The following PTPN9 variants were observed in gnomAD, a reference collection of about 807,000 sequenced individuals.
PTPN9 encodes tyrosine-protein phosphatase non-receptor type 9.
A neutral mutation model predicts 69.8 loss-of-function variants in PTPN9; 26 were observed. That is an observed-to-expected ratio of 0.37 (90% CI 0.27 to 0.52). The LOEUF is 0.52. Among genes scored for constraint, PTPN9 ranks in the 20% least tolerant of loss-of-function variants. The probability of loss-of-function intolerance (pLI) is 0.91; values close to 1 mark genes in which losing one functional copy is unlikely to be tolerated. For synonymous variants in PTPN9, 274 were observed against 272.5 expected, an observed-to-expected ratio of 1.01 and a Z score of -0.05; for missense variants, 549 against 740.3, an observed-to-expected ratio of 0.74 and a Z score of 3.00.
chr15:75,531,644 G>A (rs941117159), intron 1 of PTPN9, among the ~76,000 whole-genome samples: 1 of 151,088 alleles, frequency 6.6e-6, no homozygotes, highest in Non-Finnish European at 1.5e-5. Context: ...GTACAGTGGC[G>A]CAATCTTGGC....
intron 1 of PTPN9, among the ~76,000 whole-genome samples, chr15:75,567,282 T>C (rs2075130660): frequency 6.6e-6 from 1 of 152,202 alleles, no homozygotes; most frequent in Non-Finnish European, 1.5e-5. Context: ...CCTCCCAAAG[T>C]GCTGGGATTA....
chr15:75,504,612 G>A (rs1460129427), intron 7 of PTPN9, among the ~76,000 whole-genome samples: 36 of 134,286 alleles, frequency 2.7e-4, no homozygotes, highest in African/African-American at 8.2e-4. Context: ...CCCTCTGCCC[G>A]GCCAGCCGCC....
At chr15:75,500,895 AT>A (rs888280582) in intron 7 of PTPN9, among the ~76,000 whole-genome samples, 3 of 151,978 alleles carry the variant, frequency 2.0e-5, no homozygotes, top group East Asian at 3.8e-4. Context: ...TCTAAAAAAA[AT>A]AATAATAATA....
chr15:75,505,569 T>C, intron 7 of PTPN9, 106 bp downstream of exon 7: 1 of 780,196 alleles, frequency 1.3e-6, no homozygotes, highest in South Asian at 1.8e-5. Context: ...TTCCCTAACA[T>C]AAGGAAGGGT....
intron 1 of PTPN9, among the ~76,000 whole-genome samples, chr15:75,551,402 C>G (rs2075056066): frequency 6.6e-6 from 1 of 152,174 alleles, no homozygotes; most frequent in Admixed American, 6.5e-5. Flanking sequence ...GTCACCCATA[C>G]TGGAGTGCAG....
In PTPN9 at chr15:75,517,374, A is replaced by G. The variant is rs1195378396; in HGVS notation, c.423-10T>C. On this transcript the variant is annotated splice_polypyrimidine_tract_variant and intron_variant, in intron 4 of 12. Coordinates refer to ENST00000618819, the MANE Select transcript of PTPN9 (RefSeq NM_002833.4). ...CCTCTGAGTTTCAAAGCTGTAAATC[A>G]ACCATTGAACAAAAACATTTGTAAG... 1 of 1,601,396 alleles carries G rather than the reference A, an allele frequency of 6.2e-7. No homozygotes were observed. Among genetic ancestry groups the G allele is most frequent in the Admixed American group, 1.7e-5 (1 of 59,216 alleles).
intron 1 of PTPN9, among the ~76,000 whole-genome samples, chr15:75,559,104 C>G (rs1033726738): frequency 4.0e-5 from 6 of 151,844 alleles, no homozygotes; most frequent in Non-Finnish European, 5.9e-5. Flanking sequence ...GCCCAGCCGC[C>G]CATCGTCTGA....
At chr15:75,538,501 A>C (rs1205373120) in intron 1 of PTPN9, among the ~76,000 whole-genome samples, 2 of 152,168 alleles carry the variant, frequency 1.3e-5, no homozygotes, top group Admixed American at 1.3e-4. Flanking sequence ...GTTCGTGACC[A>C]GCCTGAGGAA....
intron 1 of PTPN9, among the ~76,000 whole-genome samples, chr15:75,575,450 TGAA>T (rs2075167840): frequency 6.6e-6 from 1 of 152,112 alleles, no homozygotes; most frequent in East Asian, 1.9e-4. Context: ...TTTCCTACAC[TGAA>T]GAAATTTCAA....
chr15:75,575,918 CAA>C (rs759810846), intron 1 of PTPN9, among the ~76,000 whole-genome samples: 1 of 39,276 alleles, frequency 2.5e-5, no homozygotes, highest in Non-Finnish European at 4.6e-5. Flanking sequence ...GACTCCATCT[CAA>C]AAAAAAAAAA....
At chr15:75,565,222 C>T (rs2075121754) in intron 1 of PTPN9, among the ~76,000 whole-genome samples, 1 of 151,844 alleles carries the variant, frequency 6.6e-6, no homozygotes, top group South Asian at 2.1e-4. Flanking sequence ...GCTCATTTTA[C>T]CCCTATGATG....
At chr15:75,563,293 AT>A (rs1218318997) in intron 1 of PTPN9, among the ~76,000 whole-genome samples, 4 of 152,066 alleles carry the variant, frequency 2.6e-5, no homozygotes, top group African/African-American at 7.2e-5. Flanking sequence ...GGTTCAAGCA[AT>A]TCTCCTGCCT....
At chr15:75,562,421 T>C (rs572100012) in intron 1 of PTPN9, among the ~76,000 whole-genome samples, 5 of 152,264 alleles carry the variant, frequency 3.3e-5, no homozygotes, top group Admixed American at 1.3e-4. Context: ...GTGTGTGTCA[T>C]ACACGAACAT....
At chr15:75,474,406 G>A (rs2074584700) in intron 9 of PTPN9, among the ~76,000 whole-genome samples, 1 of 151,914 alleles carries the variant, frequency 6.6e-6, no homozygotes, top group Non-Finnish European at 1.5e-5. Context: ...GTAGTCTCAG[G>A]TACTTGGGAG....
At chr15:75,558,828 G>A (rs2075089309) in intron 1 of PTPN9, among the ~76,000 whole-genome samples, 1 of 152,204 alleles carries the variant, frequency 6.6e-6, no homozygotes, top group African/African-American at 2.4e-5. Flanking sequence ...CGTTCACTCA[G>A]TGCTCAATGT....
At chr15:75,507,446 CAAAAAAAAA>C (rs762520293) in intron 6 of PTPN9, among the ~76,000 whole-genome samples, 1 of 89,186 alleles carries the variant, frequency 1.1e-5, no homozygotes, top group African/African-American at 4.1e-5. Context: ...AACTCTGTCG[CAAAAAAAAA>C]AAAAAAAAAA....
chr15:75,501,464 CTTTTTTT>C (rs745478766), intron 7 of PTPN9, among the ~76,000 whole-genome samples: 1 of 122,172 alleles, frequency 8.2e-6, no homozygotes, highest in Non-Finnish European at 1.8e-5. Flanking sequence ...TTCTTTCTTT[CTTTTTTT>C]TTTTTTTTCC....
Position 75,466,490 on chromosome 15 carries a change from C to A in PTPN9, c.*2279G>T, listed in dbSNP as rs2074536904. On this transcript the variant is annotated 3_prime_UTR_variant, in exon 13 of 13. Coordinates refer to ENST00000618819, the MANE Select transcript of PTPN9 (RefSeq NM_002833.4). ...CCATGTACCCATAGATATGGAGTCT[C>A]CTGGGGAGAATGATAACCCCTTTGG... The A allele has an allele frequency of 2.0e-5, 3 of 152,150 alleles. No individual in the cohort carries two copies. Among genetic ancestry groups the A allele is most frequent in the African/African-American group, 4.8e-5 (2 of 41,412 alleles). The allele number at this position is 152,150 out of a possible 1,614,324, so 9.4% of individuals were successfully genotyped here. A position where few individuals can be genotyped will look rare whatever the true frequency, so the allele number is the denominator to read the frequency against.
At chr15:75,572,496 G>C (rs2075152550) in intron 1 of PTPN9, among the ~76,000 whole-genome samples, 1 of 152,120 alleles carries the variant, frequency 6.6e-6, no homozygotes, top group South Asian at 2.1e-4. Flanking sequence ...GATCACTTGA[G>C]ATCAGGAGTT....
Sources: allele counts gnomAD v4.1 joint callset (sites outside exome capture counted in the v4.1 genomes callset), GRCh38; gene constraint gnomAD v4.1.1; transcripts MANE v1.5; gene names NCBI Gene and HGNC (gene_info 2026-07-23, HGNC 2026-07-21).